The following CLTRN variants were observed in gnomAD, a reference collection of about 807,000 sequenced individuals.
CLTRN encodes collectrin.
Under a neutral mutation model 14.5 loss-of-function variants are expected in CLTRN, and 12 were observed. The ratio of observed to expected loss-of-function variants is 0.83; its 90% CI spans 0.53 to 1.34. The LOEUF is 1.34. Among genes scored for constraint, CLTRN ranks in the 40% most tolerant of loss-of-function variants. The pLI, the probability that CLTRN is intolerant of heterozygous loss-of-function variation, is 0.00. For synonymous variants in CLTRN, 58 were observed against 56.5 expected (o/e 1.03, Z -0.12); for missense variants, 154 against 165.1 (o/e 0.93, Z 0.37).
chrX:15,656,567 A>G (rs930939106), intron 3 of CLTRN, among the ~76,000 whole-genome samples: 4 of 111,130 alleles, frequency 3.6e-5, no homozygotes, highest in East Asian at 2.8e-4. Context: ...GTCTGCCCAC[A>G]TTGGCACCAA....
chrX:15,652,264 T>A (rs766495182), intron 3 of CLTRN, among the ~76,000 whole-genome samples: 13 of 112,187 alleles, frequency 1.2e-4, no homozygotes, highest in Middle Eastern at 4.6e-3. Flanking sequence ...TAAAGCACGT[T>A]TTGATGTCAT....
intron 3 of CLTRN, among the ~76,000 whole-genome samples, chrX:15,655,233 TG>T (rs769437762): frequency 8.9e-6 from 1 of 111,929 alleles, no homozygotes; most frequent in Non-Finnish European, 1.9e-5. Flanking sequence ...AGCAAGATGA[TG>T]GGGGCGTGAG....
At chrX:15,652,050 A>T (rs1929230225) in intron 3 of CLTRN, among the ~76,000 whole-genome samples, 1 of 112,372 alleles carries the variant, frequency 8.9e-6, no homozygotes, top group African/African-American at 3.2e-5. Flanking sequence ...AAAGGAAGTA[A>T]CATGAAGAAT....
intron 3 of CLTRN, among the ~76,000 whole-genome samples, chrX:15,657,558 A>C (rs1281363256): frequency 3.6e-5 from 4 of 112,358 alleles, no homozygotes; most frequent in African/African-American, 1.3e-4. Flanking sequence ...ACTTGCTTAC[A>C]AGAAGGGCTA....
chrX:15,644,580 T>C (rs1290413899), intron 4 of CLTRN, among the ~76,000 whole-genome samples: 1 of 111,682 alleles, frequency 9.0e-6, no homozygotes, highest in East Asian at 2.8e-4. Context: ...AGACTATATA[T>C]TGACTGAAAA....
chrX:15,646,421 C>A (rs745525475), intron 3 of CLTRN: 5 of 314,558 alleles, frequency 1.6e-5, no homozygotes, highest in African/African-American at 8.1e-5. Context: ...GCTACCTGAG[C>A]GGCTTCCTGG....
chrX:15,646,387 C>A, intron 3 of CLTRN: 3 of 287,381 alleles, frequency 1.0e-5, no homozygotes, highest in South Asian at 6.6e-5. Flanking sequence ...GAAGGCCCAA[C>A]CCACTGCCCT....
chrX:15,657,230 G>C (rs1258477717), intron 3 of CLTRN, among the ~76,000 whole-genome samples: 1 of 112,012 alleles, frequency 8.9e-6, no homozygotes, highest in Non-Finnish European at 1.9e-5. Flanking sequence ...GAACTCCTGG[G>C]CTCAAGTGAT....
At chrX:15,636,662 A>G (rs760657367) in intron 5 of CLTRN, among the ~76,000 whole-genome samples, 6 of 112,010 alleles carry the variant, frequency 5.4e-5, no homozygotes, top group Admixed American at 9.5e-5. Context: ...GGAAAATACC[A>G]AGATATTTTC....
chrX:15,655,615 G>GCT (rs1438653013), intron 3 of CLTRN, among the ~76,000 whole-genome samples: 2 of 111,369 alleles, frequency 1.8e-5, no homozygotes, highest in East Asian at 2.8e-4. Flanking sequence ...TCAAAAAACT[G>GCT]CTCTCTCTCT....
At chrX:15,652,314 C>T (rs1209803691) in intron 3 of CLTRN, among the ~76,000 whole-genome samples, 1 of 111,715 alleles carries the variant, frequency 9.0e-6, no homozygotes, top group African/African-American at 3.3e-5. Flanking sequence ...AAATAAAAAT[C>T]CTACATTTTC....
At chrX:15,646,462 A>ACCCCCCCCCCCCCCCCCCC in intron 3 of CLTRN, 8 of 170,825 alleles carry the variant, frequency 4.7e-5, no homozygotes, top group South Asian at 2.0e-4. Context: ...CCGCGCACCC[A>ACCCCCCCCCCCCCCCCCCC]CCCCCCCGCC....
intron 5 of CLTRN, among the ~76,000 whole-genome samples, chrX:15,632,809 G>A (rs183583165): frequency 0.013 from 1,397 of 103,762 alleles, 11 homozygotes; most frequent in African/African-American, 0.026. Context: ...GTGTGAACCC[G>A]GGAGGCGGAG....
chrX:15,664,818 AT>A (rs926348933), upstream of CLTRN: 7 of 1,085,782 alleles, frequency 6.4e-6, no homozygotes, highest in African/African-American at 1.3e-4. Context: ...GAAAAAAAAA[AT>A]CCACGCTGCA....
chrX:15,641,164 A>C (rs1189238450), intron 4 of CLTRN, among the ~76,000 whole-genome samples: 1 of 112,520 alleles, frequency 8.9e-6, no homozygotes, highest in African/African-American at 3.2e-5. Context: ...TTTTCCTAGG[A>C]AATATCTGCA....
chrX:15,653,036 G>C (rs144981867), intron 3 of CLTRN, among the ~76,000 whole-genome samples: 1 of 111,264 alleles, frequency 9.0e-6, no homozygotes, highest in South Asian at 3.8e-4. Flanking sequence ...AGCCAAGATG[G>C]CGCCACTGCA....
Position 15,645,126 on chromosome X carries a change from T to C in CLTRN, c.204-97A>G, listed in dbSNP as rs1002540109. 14 of 428,203 alleles carry C rather than the reference T, an allele frequency of 3.3e-5. No homozygotes were observed. In the Admixed American group the frequency reaches 6.3e-4, roughly 19 times the overall value. The allele number at this position is 428,203 out of a possible 1,213,427, so 35.3% of individuals were successfully genotyped here. A position where few individuals can be genotyped will look rare whatever the true frequency, so the allele number is the denominator to read the frequency against. ...TGCTACTACTATCTTAAGAGACATC[T>C]TAGCTATGTTTAAAAAGTCATTTCT... is the stretch of plus-strand genomic sequence containing the variant. On this transcript the variant is annotated intron_variant, in intron 3 of 5. Coordinates refer to ENST00000380342, the MANE Select transcript of CLTRN (RefSeq NM_020665.6).
rs762853228 is a variant in CLTRN, at chrX:15,655,013, T to C, written c.203+4003A>G. On this transcript the variant is annotated intron_variant, in intron 3 of 5. Coordinates refer to ENST00000380342, the MANE Select transcript of CLTRN (RefSeq NM_020665.6). ...TCTGGGGCAGATGGTGTGGCTTTCCTGTCACTTCCGGCTGCTAAGGCATCC... is the reference window on the plus strand; with the variant it reads ...TCTGGGGCAGATGGTGTGGCTTTCCCGTCACTTCCGGCTGCTAAGGCATCC... Among the ~76,000 whole-genome samples the C allele has an allele frequency of 3.6e-5, 4 of 112,418 alleles. No homozygotes were observed. In the South Asian group the frequency reaches 1.1e-3, roughly 31 times the overall value.
In CLTRN at chrX:15,627,999, G is replaced by A. The variant is rs746610854; in HGVS notation, c.641C>T (p.Thr214Ile). Residue 214 changes from threonine to isoleucine, a missense_variant, in exon 6 of 6, where the codon ACA becomes ATA. Thr to Ile is a moderately conservative substitution (Grantham distance 89, BLOSUM62 -1). Coordinates refer to ENST00000380342, the MANE Select transcript of CLTRN (RefSeq NM_020665.6). The part of the protein sequence containing the change: ...KGGHINDAFM[T>I]EDERLTPL Reference sequence around the variant, plus strand: ...GAGAGGGGTGAGCCTCTCATCCTCTGTCATGAAGGCATCATTAATATGCCC... The same window carrying A: ...GAGAGGGGTGAGCCTCTCATCCTCTATCATGAAGGCATCATTAATATGCCC... 5.4e-6 allele frequency: 6 copies of A among 1,103,095 alleles called. No homozygotes were observed. The African/African-American group carries it at 1.1e-4, about 21-fold the overall frequency. The allele number at this position is 1,103,095 out of a possible 1,213,427, so 90.9% of individuals were successfully genotyped here.
Sources: gnomAD v4.1 joint callset for allele counts (sites outside exome capture counted in the v4.1 genomes callset) on GRCh38, gnomAD v4.1.1 for gene constraint, MANE v1.5 for transcripts, NCBI Gene and HGNC (gene_info 2026-07-23, HGNC 2026-07-21) for gene names.